The following CAMTA1 variants were observed in gnomAD, a reference collection of about 807,000 sequenced individuals.
CAMTA1 encodes the protein calmodulin-binding transcription activator 1.
CAMTA1 carries 27 observed loss-of-function variants against 170.9 expected under a neutral mutation model. That is an observed-to-expected ratio of 0.16 (90% CI 0.12 to 0.22). The LOEUF (loss-of-function observed/expected upper bound fraction) is 0.22, where lower values mean the gene tolerates loss of function less well. CAMTA1 is among the 10% of genes least tolerant of loss of function. The probability of loss-of-function intolerance (pLI) is 1.00; values close to 1 mark genes in which losing one functional copy is unlikely to be tolerated. For synonymous variants in CAMTA1, 833 were observed against 891.5 expected (o/e 0.93, Z 1.17); for missense variants, 1,619 against 2,217.2 (o/e 0.73, Z 5.42).
intron 1 of CAMTA1, among the ~76,000 whole-genome samples, chr1:6,800,718 C>T (rs558639959): frequency 6.6e-6 from 1 of 152,266 alleles, no homozygotes; most frequent in East Asian, 1.9e-4. Context: ...TTTAGAAACT[C>T]GTGTGGATTG....
chr1:6,814,066 C>T (rs1425688294), intron 1 of CAMTA1, among the ~76,000 whole-genome samples: 2 of 152,080 alleles, frequency 1.3e-5, no homozygotes, highest in Non-Finnish European at 2.9e-5. Context: ...CTGGGAAGAA[C>T]AAGCCAGACA....
intron 6 of CAMTA1, among the ~76,000 whole-genome samples, chr1:7,528,159 A>C (rs531120716): frequency 6.6e-6 from 1 of 152,322 alleles, no homozygotes; most frequent in Admixed American, 6.5e-5. Context: ...TGACGAGAGC[A>C]GACTGATCTT....
chr1:7,263,671 G>A (rs749115757), intron 5 of CAMTA1, among the ~76,000 whole-genome samples: 5 of 152,110 alleles, frequency 3.3e-5, no homozygotes, highest in Admixed American at 3.3e-4. Flanking sequence ...AGATCTATGG[G>A]CTTTCAGTAG....
intron 11 of CAMTA1, among the ~76,000 whole-genome samples, chr1:7,679,074 C>T (rs1210281652): frequency 2.0e-5 from 3 of 152,234 alleles, no homozygotes; most frequent in African/African-American, 4.8e-5. Flanking sequence ...CCTGGGGCAC[C>T]GAGCTGCCCT....
intron 5 of CAMTA1, among the ~76,000 whole-genome samples, chr1:7,358,338 A>G (rs1288332666): frequency 6.6e-6 from 1 of 152,236 alleles, no homozygotes; most frequent in African/African-American, 2.4e-5. Flanking sequence ...GACACTAAAA[A>G]TGGACTCCAT....
intron 6 of CAMTA1, among the ~76,000 whole-genome samples, chr1:7,489,774 C>T (rs1209743135): frequency 6.6e-6 from 1 of 152,248 alleles, no homozygotes; most frequent in Non-Finnish European, 1.5e-5. Flanking sequence ...CCCTCCACAA[C>T]CCCTGGCCCG....
chr1:7,389,141 G>A (rs845229), intron 5 of CAMTA1, among the ~76,000 whole-genome samples: 17,591 of 152,210 alleles, frequency 0.12, 1,489 homozygotes, highest in Non-Finnish European at 0.17. Flanking sequence ...GAGCGAGTCC[G>A]CTGGGTGCTG....
At position 7,270,274 on chromosome 1, in the gene CAMTA1, CAT is replaced by C. The variant is rs1553296722; in HGVS notation, c.438+20665_438+20666del. Reference sequence around the variant, plus strand: ...ACACACACACACACACACACACACACATATATATATATATATATTTTTTTTTT... The same window carrying C: ...ACACACACACACACACACACACACACATATATATATATATATTTTTTTTTT... On this transcript the variant is annotated intron_variant, in intron 5 of 22. Transcript: ENST00000303635. Among the ~76,000 whole-genome samples the C allele has an allele frequency of 6.0e-3, 179 of 29,714 alleles. 1 individual carries two copies. Among genetic ancestry groups the C allele is most frequent in the East Asian group, 0.042 (63 of 1,490 alleles). The allele number at this position is 29,714 out of a possible 152,430, so 19.5% of individuals were successfully genotyped here.
At chr1:7,721,985 C>T (rs1320522757) in intron 11 of CAMTA1, among the ~76,000 whole-genome samples, 1 of 152,148 alleles carries the variant, frequency 6.6e-6, no homozygotes, top group African/African-American at 2.4e-5. Flanking sequence ...GTGTATTGCT[C>T]AGTACAACCA....
chr1:6,954,009 C>T (rs530878169), intron 3 of CAMTA1, among the ~76,000 whole-genome samples: 4 of 152,276 alleles, frequency 2.6e-5, no homozygotes, highest in East Asian at 1.9e-4. Flanking sequence ...TGGGGAGGGA[C>T]GCTCAGGCCC....
rs764106424 is a variant in CAMTA1, at chr1:7,663,764, A to G, written c.1217A>G (p.Asn406Ser). The change falls in exon 9 of 23, where the codon AAT (asparagine) becomes AGT (serine). Residue 406 changes from asparagine (N) to serine (S), a missense_variant. By Grantham distance (46) the Asn-to-Ser change is conservative. Coordinates refer to ENST00000303635, the MANE Select transcript of CAMTA1 (RefSeq NM_015215.4). ...SATVFMSEVT[N>S]EAVYTMSPTA... Reference sequence around the variant, plus strand: ...ACGGTGTTCATGTCAGAGGTCACCAATGAGGCCGTGTACACCATGTCCCCC... The same window carrying G: ...ACGGTGTTCATGTCAGAGGTCACCAGTGAGGCCGTGTACACCATGTCCCCC... The G allele has an allele frequency of 4.3e-6, 7 of 1,613,984 alleles. No individual in the cohort carries two copies. The Admixed American group carries it at 6.7e-5, about 15-fold the overall frequency.
At chr1:7,446,262 C>A (rs562609363) in intron 5 of CAMTA1, among the ~76,000 whole-genome samples, 5 of 151,658 alleles carry the variant, frequency 3.3e-5, no homozygotes, top group Non-Finnish European at 7.4e-5. Flanking sequence ...TTTTCCTCTC[C>A]CTATGACATG....
intron 5 of CAMTA1, among the ~76,000 whole-genome samples, chr1:7,307,041 A>G (rs1017840839): frequency 6.6e-6 from 1 of 151,952 alleles, no homozygotes; most frequent in Non-Finnish European, 1.5e-5. Flanking sequence ...TTATATCCAC[A>G]GGGGTTCCTG....
chr1:7,620,966 G>A (rs1342158729), intron 6 of CAMTA1, among the ~76,000 whole-genome samples: 1 of 152,326 alleles, frequency 6.6e-6, no homozygotes, highest in East Asian at 1.9e-4. Context: ...GAGGACAGGT[G>A]CAGGATGCAT....
At chr1:7,261,886 A>C (rs976361581) in intron 5 of CAMTA1, among the ~76,000 whole-genome samples, 2 of 152,240 alleles carry the variant, frequency 1.3e-5, no homozygotes, top group African/African-American at 4.8e-5. Flanking sequence ...ACAGAGGTTA[A>C]ATACTGTAAT....
At chr1:7,043,957 A>C (rs1050913613) in intron 3 of CAMTA1, among the ~76,000 whole-genome samples, 2 of 152,186 alleles carry the variant, frequency 1.3e-5, no homozygotes, top group Non-Finnish European at 2.9e-5. Context: ...TTCTGGATGC[A>C]GGAGCTCACA....
intron 21 of CAMTA1, 151 bp downstream of exon 21, chr1:7,752,684 T>C (rs182921382): frequency 1.7e-6 from 1 of 603,062 alleles, no homozygotes; most frequent in Admixed American, 3.4e-5. Context: ...TAGAGCTCTT[T>C]AACTAGGGAT....
At chr1:7,356,967 C>G (rs1222786127) in intron 5 of CAMTA1, among the ~76,000 whole-genome samples, 1 of 152,208 alleles carries the variant, frequency 6.6e-6, no homozygotes, top group Admixed American at 6.5e-5. Flanking sequence ...ATTGTCCACA[C>G]TCAGCTCCCT....
At chr1:7,121,733 T>C (rs1320104105) in intron 4 of CAMTA1, among the ~76,000 whole-genome samples, 1 of 151,846 alleles carries the variant, frequency 6.6e-6, no homozygotes, top group Non-Finnish European at 1.5e-5. Context: ...GCACGGCGAG[T>C]TCTGGCAGCC....
Sources: gnomAD v4.1 joint callset for allele counts (sites outside exome capture counted in the v4.1 genomes callset) on GRCh38, gnomAD v4.1.1 for gene constraint, MANE v1.5 for transcripts, NCBI Gene and HGNC (gene_info 2026-07-23, HGNC 2026-07-21) for gene names.